Variants in SGCZ observed in about 807,000 individuals in gnomAD.
The protein encoded by SGCZ is zeta-sarcoglycan.
Under a neutral mutation model 41.3 loss-of-function variants are expected in SGCZ, and 40 were observed. That is an observed-to-expected ratio of 0.97 (90% CI 0.75 to 1.26). The LOEUF (loss-of-function observed/expected upper bound fraction) is 1.26. SGCZ is among the 50% of genes most tolerant of loss of function. SGCZ has a pLI of 0.00. For missense variants in SGCZ, 552 were observed against 369.8 expected (o/e 1.49, Z -4.04); for synonymous variants, 206 against 137.5 (o/e 1.50, Z -3.49).
chr8:15,038,096 T>TA (rs35559757), intron 1 of SGCZ, among the ~76,000 whole-genome samples: 13 of 151,736 alleles, frequency 8.6e-5, no homozygotes, highest in African/African-American at 2.9e-4. Context: ...AACAGAAATA[T>TA]AAAAAAAAAT....
intron 6 of SGCZ, 29 bp downstream of exon 6, chr8:14,108,134 A>T: frequency 6.2e-7 from 1 of 1,604,456 alleles, no homozygotes; most frequent in Non-Finnish European, 8.5e-7. Context: ...GATGGATTTT[A>T]TGCCACAGGT....
rs528720907 is a variant in SGCZ at position 14,472,297 on chromosome 8, A to C, written c.234+82435T>G. Among the ~76,000 whole-genome samples the C allele has an allele frequency of 3.8e-4, 58 of 152,166 alleles. 1 individual carries two copies. The highest frequency in any genetic ancestry group is 1.3e-3 in the African/African-American group (55 of 41,550). On this transcript the variant is annotated intron_variant, in intron 2 of 7. Transcript: ENST00000382080. The stretch of plus-strand genomic sequence containing the variant: ...AAATAAGGTTTAATTAAAGGCTTAT[A>C]TTTTATTTAAGAAAGCTGTTTGTTC...
intron 1 of SGCZ, among the ~76,000 whole-genome samples, chr8:14,708,497 A>C (rs1458970220): frequency 6.6e-6 from 1 of 151,980 alleles, no homozygotes; most frequent in Non-Finnish European, 1.5e-5. Context: ...ATAAACATTC[A>C]GATACAGACA....
chr8:14,640,916 G>A (rs952217951), intron 1 of SGCZ, among the ~76,000 whole-genome samples: 9 of 151,650 alleles, frequency 5.9e-5, no homozygotes, highest in South Asian at 2.1e-4. Flanking sequence ...ATCTGGAAAT[G>A]TGGTTATGAA....
At chr8:14,411,084 C>T (rs1324796722) in intron 2 of SGCZ, among the ~76,000 whole-genome samples, 2 of 152,206 alleles carry the variant, frequency 1.3e-5, no homozygotes, top group South Asian at 2.1e-4. Flanking sequence ...GTAAACAACT[C>T]TACTATGAAA....
intron 1 of SGCZ, among the ~76,000 whole-genome samples, chr8:15,051,881 G>A (rs1804527513): frequency 6.6e-6 from 1 of 152,192 alleles, no homozygotes; most frequent in African/African-American, 2.4e-5. Flanking sequence ...AGGATAGGAA[G>A]TGTAAGAAAC....
At chr8:14,610,890 TTA>T (rs1476717070) in intron 1 of SGCZ, among the ~76,000 whole-genome samples, 3 of 152,168 alleles carry the variant, frequency 2.0e-5, no homozygotes, top group Non-Finnish European at 4.4e-5. Flanking sequence ...CAGATAATAT[TTA>T]TGGAATTGTA....
intron 2 of SGCZ, among the ~76,000 whole-genome samples, chr8:14,481,138 C>G (rs2035144): frequency 0.91 from 137,797 of 152,164 alleles, 63,741 homozygotes; most frequent in East Asian, 1. Context: ...TTAAATAATG[C>G]ACAAATGATA....
intron 4 of SGCZ, among the ~76,000 whole-genome samples, chr8:14,166,744 A>G (rs972459565): frequency 6.6e-6 from 1 of 152,202 alleles, no homozygotes; most frequent in African/African-American, 2.4e-5. Flanking sequence ...AAGATACATT[A>G]TTAACATAAA....
intron 2 of SGCZ, among the ~76,000 whole-genome samples, chr8:14,354,937 G>A (rs185043672): frequency 6.6e-6 from 1 of 151,868 alleles, no homozygotes; most frequent in East Asian, 1.9e-4. Flanking sequence ...GTAAGGATCT[G>A]GATGTATTGC....
intron 1 of SGCZ, among the ~76,000 whole-genome samples, chr8:14,693,241 T>C (rs140069917): frequency 4.6e-5 from 7 of 152,270 alleles, no homozygotes; most frequent in African/African-American, 1.7e-4. Context: ...ACCTTAATAA[T>C]TTCCATTCCT....
At position 15,130,836 on chromosome 8, in the gene SGCZ, G is replaced by A. The variant is rs6651386; in HGVS notation, c.39+106749C>T. ...CTGGGTATACAGAAGGGATATGAAT[G>A]ACAAAATCACTACAAAATCTATAAA... On this transcript the variant is annotated intron_variant, in intron 1 of 7. Coordinates refer to ENST00000382080, the MANE Select transcript of SGCZ (RefSeq NM_139167.4). Among the ~76,000 whole-genome samples, 730 of 152,220 alleles carry A rather than the reference G, an allele frequency of 4.8e-3. 4 individuals carry two copies. The highest frequency in any genetic ancestry group is 0.016 in the African/African-American group (683 of 41,534).
intron 1 of SGCZ, among the ~76,000 whole-genome samples, chr8:15,120,823 T>C (rs866530582): frequency 1.5e-4 from 23 of 152,216 alleles, no homozygotes; most frequent in Non-Finnish European, 3.1e-4. Flanking sequence ...TAAATCACTG[T>C]CCTATTTGCA....
chr8:14,120,436 T>C (rs1802663049), intron 5 of SGCZ, among the ~76,000 whole-genome samples: 1 of 152,090 alleles, frequency 6.6e-6, no homozygotes, highest in South Asian at 2.1e-4. Context: ...GCTGAAACAT[T>C]TCATTTAGGA....
chr8:14,879,700 G>C (rs963796538), intron 1 of SGCZ: 2 of 151,398 alleles, frequency 1.3e-5, no homozygotes, highest in Admixed American at 6.6e-5. Flanking sequence ...CCCTTAGTCT[G>C]CTCCTAAACA....
chr8:15,154,023 T>C (rs73527035), intron 1 of SGCZ, among the ~76,000 whole-genome samples: 35,768 of 151,880 alleles, frequency 0.24, 4,489 homozygotes, highest in East Asian at 0.47. Context: ...ATAGAGTTTG[T>C]GCTTCTATGA....
At chr8:14,797,910 A>C (rs1801189820) in intron 1 of SGCZ, among the ~76,000 whole-genome samples, 1 of 152,210 alleles carries the variant, frequency 6.6e-6, no homozygotes, top group Non-Finnish European at 1.5e-5. Context: ...CGTGGTGTTG[A>C]GACTGCAGGT....
chr8:15,043,420 T>A (rs752982659), intron 1 of SGCZ, among the ~76,000 whole-genome samples: 1 of 152,098 alleles, frequency 6.6e-6, no homozygotes, highest in Non-Finnish European at 1.5e-5. Context: ...AGATGGCCCA[T>A]CAAATAGATA....
intron 2 of SGCZ, among the ~76,000 whole-genome samples, chr8:14,400,946 G>A (rs1157113812): frequency 6.6e-6 from 1 of 152,102 alleles, no homozygotes; most frequent in South Asian, 2.1e-4. Flanking sequence ...TGTTAAATAT[G>A]TTTCAAACAA....
Sources: allele counts gnomAD v4.1 joint callset (sites outside exome capture counted in the v4.1 genomes callset), GRCh38; gene constraint gnomAD v4.1.1; transcripts MANE v1.5; gene names NCBI Gene and HGNC (gene_info 2026-07-23, HGNC 2026-07-21).